CEP112: variants seen among roughly 807,000 people sequenced by gnomAD.
The protein encoded by CEP112 is centrosomal protein 112.
A neutral mutation model predicts 153.0 loss-of-function variants in CEP112; 127 were observed. That is an observed-to-expected ratio of 0.83 (90% CI 0.72 to 0.96). The LOEUF (loss-of-function observed/expected upper bound fraction) is 0.96. CEP112 is among the 40% of genes least tolerant of loss of function. CEP112 has a pLI of 0.00. For missense variants in CEP112, 1,089 were observed against 1,101.2 expected (o/e 0.99, Z 0.16); for synonymous variants, 358 against 374.4 (o/e 0.96, Z 0.51).
intron 23 of CEP112, among the ~76,000 whole-genome samples, chr17:65,701,099 G>C (rs2048609759): frequency 6.6e-6 from 1 of 152,200 alleles, no homozygotes; most frequent in African/African-American, 2.4e-5. Context: ...TGGCTGGGAG[G>C]CCATTAGGAG....
At chr17:66,086,159 T>C (rs757959377) in intron 8 of CEP112, among the ~76,000 whole-genome samples, 2 of 152,010 alleles carry the variant, frequency 1.3e-5, no homozygotes, top group Non-Finnish European at 2.9e-5. Context: ...AATATTTAAT[T>C]TTAAATAAAG....
intron 12 of CEP112, among the ~76,000 whole-genome samples, chr17:66,042,195 C>T (rs2066012757): frequency 1.3e-5 from 2 of 151,972 alleles, no homozygotes; most frequent in East Asian, 1.9e-4. Flanking sequence ...CTGAAAACTA[C>T]AAAAATTAGC....
At chr17:65,874,987 C>G (rs2058775885) in intron 20 of CEP112, among the ~76,000 whole-genome samples, 1 of 151,956 alleles carries the variant, frequency 6.6e-6, no homozygotes, top group Non-Finnish European at 1.5e-5. Context: ...TCTTCTTAAC[C>G]CTAAAATGTA....
chr17:65,999,197 CTTTT>C (rs34483996), intron 17 of CEP112, among the ~76,000 whole-genome samples: 5 of 132,036 alleles, frequency 3.8e-5, no homozygotes, highest in Non-Finnish European at 8.1e-5. Context: ...TTACTAAATT[CTTTT>C]TTTTTTTTTT....
chr17:66,092,083 C>T (rs2068155385), intron 8 of CEP112, among the ~76,000 whole-genome samples: 1 of 150,748 alleles, frequency 6.6e-6, no homozygotes, highest in Non-Finnish European at 1.5e-5. Flanking sequence ...GCTCTATCAC[C>T]CAGGCTGGAG....
chr17:66,188,249 C>T (rs145487964), intron 1 of CEP112, among the ~76,000 whole-genome samples: 2,013 of 150,856 alleles, frequency 0.013, 21 homozygotes, highest in Non-Finnish European at 0.018. Context: ...ATACAAGTAC[C>T]TTTGCATTTA....
At chr17:65,839,196 T>TAC (rs1282843404) in intron 21 of CEP112, among the ~76,000 whole-genome samples, 1 of 151,464 alleles carries the variant, frequency 6.6e-6, no homozygotes, top group East Asian at 1.9e-4. Context: ...GACACACACA[T>TAC]ACACACACAC....
intron 18 of CEP112, among the ~76,000 whole-genome samples, chr17:65,946,794 T>G (rs1458120754): frequency 6.6e-6 from 1 of 152,182 alleles, no homozygotes; most frequent in Non-Finnish European, 1.5e-5. Context: ...CTGCCATTTT[T>G]ATAACATGGA....
chr17:65,990,888 G>A (rs1053914872), intron 17 of CEP112, among the ~76,000 whole-genome samples: 1 of 152,220 alleles, frequency 6.6e-6, no homozygotes, highest in Non-Finnish European at 1.5e-5. Context: ...CTTGGGAGAG[G>A]AGGAGAGCAG....
At chr17:65,921,640 T>C (rs943197897) in intron 19 of CEP112, among the ~76,000 whole-genome samples, 2 of 152,126 alleles carry the variant, frequency 1.3e-5, no homozygotes, top group Non-Finnish European at 2.9e-5. Flanking sequence ...TGAGGTACGC[T>C]TGTGTGTGTT....
At chr17:65,654,435 T>C (rs1323855783) in intron 24 of CEP112, among the ~76,000 whole-genome samples, 1 of 152,250 alleles carries the variant, frequency 6.6e-6, no homozygotes, top group Non-Finnish European at 1.5e-5. Flanking sequence ...CTCCATTCCC[T>C]GTTCATAGGA....
chr17:65,790,627 T>A (rs2054537123), intron 21 of CEP112, among the ~76,000 whole-genome samples: 1 of 152,146 alleles, frequency 6.6e-6, no homozygotes, highest in Admixed American at 6.5e-5. Context: ...ATAGCCTTAA[T>A]TAGGACCTAT....
intron 21 of CEP112, among the ~76,000 whole-genome samples, chr17:65,821,514 T>TTATATATATATATATAATTA (rs2056549962): frequency 3.2e-4 from 16 of 50,176 alleles, no homozygotes; most frequent in African/African-American, 1.2e-3. Flanking sequence ...ATATATATAA[T>TTATATATATATATATAATTA]TATATATATA....
At chr17:65,900,486 G>A (rs568068266) in intron 20 of CEP112, among the ~76,000 whole-genome samples, 2 of 152,012 alleles carry the variant, frequency 1.3e-5, no homozygotes, top group African/African-American at 2.4e-5. Flanking sequence ...TGGATGAACC[G>A]CACCCTATAT....
chr17:65,937,710 C>G (rs567559329), intron 18 of CEP112, among the ~76,000 whole-genome samples: 1 of 89,968 alleles, frequency 1.1e-5, no homozygotes. Flanking sequence ...AGGAGCCCCC[C>G]GCCCGGCCAG....
At chr17:65,968,690 A>G (rs2062506000) in intron 17 of CEP112, among the ~76,000 whole-genome samples, 2 of 152,204 alleles carry the variant, frequency 1.3e-5, no homozygotes, top group African/African-American at 4.8e-5. Flanking sequence ...TAGAAAAGTT[A>G]CTACATTTTT....
At chr17:66,042,395 T>A (rs2066023277) in intron 12 of CEP112, among the ~76,000 whole-genome samples, 1 of 152,010 alleles carries the variant, frequency 6.6e-6, no homozygotes, top group African/African-American at 2.4e-5. Flanking sequence ...CATGATATGA[T>A]ACGATGAGAA....
chr17:66,176,929 A>C lies in CEP112; in HGVS notation c.198T>G (p.Tyr66Ter), dbSNP rs1234092109. Reference sequence around the variant, plus strand: ...TAAGCATATGCAATAACAATTTTGCATACAGGTTCCGATTCTTCCTCCCCA... The same window carrying C: ...TAAGCATATGCAATAACAATTTTGCCTACAGGTTCCGATTCTTCCTCCCCA... Reference protein sequence around the residue: ...GIMGRKNRNLYAKLLLHMLKR... With the variant: ...GIMGRKNRNL The change falls in exon 3 of 27, where the codon TAT (tyrosine) becomes TAG (stop). Residue 66 changes from tyrosine to a stop codon, truncating the protein, a stop_gained. Transcript: ENST00000535342. LOFTEE classifies it high-confidence loss of function. 1.2e-6 allele frequency: 2 copies of C among 1,614,046 alleles called. No individual in the cohort carries two copies. The highest frequency in any genetic ancestry group is 4.5e-5 in the East Asian group (2 of 44,882).
Position 66,034,955 on chromosome 17 carries a change from T to C in CEP112, c.1219-4932A>G, listed in dbSNP as rs566936932. 1.2e-3 allele frequency among the ~76,000 whole-genome samples: 161 copies of C among 136,326 alleles called. 2 individuals are homozygous for C. The highest frequency in any genetic ancestry group is 5.4e-4 in the Non-Finnish European group (35 of 64,362). 89.4% of individuals were successfully genotyped at this position (136,326 alleles called of 152,430 possible). On this transcript the variant is annotated intron_variant, in intron 12 of 26. Transcript: ENST00000535342. ...CTGGGACTACAGGCATGTGCCACCA[T>C]GCCCAGCTAAGTTTTTGCATGTATA... is the stretch of plus-strand genomic sequence containing the variant.
Sources: allele counts gnomAD v4.1 joint callset (sites outside exome capture counted in the v4.1 genomes callset), GRCh38; gene constraint gnomAD v4.1.1; transcripts MANE v1.5; gene names NCBI Gene and HGNC (gene_info 2026-07-23, HGNC 2026-07-21).